Variants in MAF observed in about 807,000 individuals in gnomAD.
MAF encodes the protein MAF bZIP transcription factor.
In MAF, 10 loss-of-function variants were observed where a neutral mutation model predicts 22.0. The ratio of observed to expected loss-of-function variants is 0.45; its 90% CI spans 0.28 to 0.77. The LOEUF (loss-of-function observed/expected upper bound fraction) is 0.77, where lower values mean the gene tolerates loss of function less well. MAF is among the 30% of genes least tolerant of loss of function. The pLI is 0.12. For synonymous variants in MAF, 337 were observed against 255.8 expected (o/e 1.32, Z -3.03); for missense variants, 544 against 548.4 (o/e 0.99, Z 0.08).
the MAF span, among the ~76,000 whole-genome samples, chr16:79,314,054 A>G: frequency 6.6e-6 from 1 of 152,202 alleles, no homozygotes; most frequent in African/African-American, 2.4e-5. Context: ...TTTGATTCCA[A>G]GACATGGACA....
At chr16:79,585,604 A>G (rs1025704969), downstream of MAF, among the ~76,000 whole-genome samples, 2 of 152,226 alleles carry the variant, frequency 1.3e-5, no homozygotes, top group South Asian at 2.1e-4. Context: ...GTAACTTGAC[A>G]TAACACATGG....
At chr16:79,423,204 G>C in the MAF span, among the ~76,000 whole-genome samples, 1 of 152,212 alleles carries the variant, frequency 6.6e-6, no homozygotes, top group Non-Finnish European at 1.5e-5. Context: ...AGAGTTATCA[G>C]TTGTTTATCT....
intron 1 of MAF, chr16:79,596,866 G>A (rs1913558695): frequency 6.7e-6 from 7 of 1,049,346 alleles, no homozygotes; most frequent in Middle Eastern, 4.3e-4. Context: ...AATTTTATTA[G>A]CGTTCTAAAC....
the MAF span, among the ~76,000 whole-genome samples, chr16:79,308,531 G>A: frequency 1.3e-5 from 2 of 152,152 alleles, no homozygotes; most frequent in South Asian, 4.1e-4. Context: ...ATGAGGTGTT[G>A]AAATGCTAGC....
At chr16:79,372,560 C>G in the MAF span, among the ~76,000 whole-genome samples, 1 of 152,194 alleles carries the variant, frequency 6.6e-6, no homozygotes, top group Non-Finnish European at 1.5e-5. Context: ...CTAGGAGAGA[C>G]GCTGTAATGT....
At chr16:79,272,077 G>A in the MAF span, among the ~76,000 whole-genome samples, 2 of 152,178 alleles carry the variant, frequency 1.3e-5, no homozygotes, top group African/African-American at 4.8e-5. Flanking sequence ...ATACTTGGGT[G>A]GGGGGATGTC....
chr16:79,217,317 C>A, the MAF span, among the ~76,000 whole-genome samples: 1 of 152,204 alleles, frequency 6.6e-6, no homozygotes, highest in African/African-American at 2.4e-5. Flanking sequence ...CCACTACACA[C>A]TACTTTTATG....
At chr16:79,512,428 C>T in the MAF span, among the ~76,000 whole-genome samples, 865 of 152,208 alleles carry the variant, frequency 5.7e-3, 6 homozygotes, top group East Asian at 0.017. Flanking sequence ...CCTAGGCCAG[C>T]GGTGCAGTGG....
the MAF span, among the ~76,000 whole-genome samples, chr16:79,411,106 T>A: frequency 0.02 from 2,997 of 152,280 alleles, 90 homozygotes; most frequent in African/African-American, 0.067. Flanking sequence ...AACTCCTCCC[T>A]TGTCCCATTT....
the MAF span, among the ~76,000 whole-genome samples, chr16:79,572,214 G>C: frequency 1.3e-5 from 2 of 152,188 alleles, no homozygotes; most frequent in African/African-American, 2.4e-5. Context: ...CTGTATCGGT[G>C]GAGGGGAGTC....
At chr16:79,420,267 C>T in the MAF span, among the ~76,000 whole-genome samples, 21 of 152,246 alleles carry the variant, frequency 1.4e-4, no homozygotes, top group Admixed American at 3.3e-4. Flanking sequence ...ATGTGTGTCA[C>T]GTTATATGTG....
At chr16:79,380,734 G>A in the MAF span, among the ~76,000 whole-genome samples, 13 of 152,334 alleles carry the variant, frequency 8.5e-5, no homozygotes, top group South Asian at 2.7e-3. Flanking sequence ...TGGGAAGACT[G>A]AGGCCATAGA....
chr16:79,286,883 C>G, the MAF span, among the ~76,000 whole-genome samples: 1 of 152,232 alleles, frequency 6.6e-6, no homozygotes, highest in Admixed American at 6.5e-5. Flanking sequence ...TCCCCGCCTC[C>G]TCCCACACAA....
chr16:79,566,183 A>G, the MAF span, among the ~76,000 whole-genome samples: 2 of 152,196 alleles, frequency 1.3e-5, no homozygotes, highest in African/African-American at 4.8e-5. Flanking sequence ...ACATATCCAT[A>G]TATCTGTAAG....
At chr16:79,249,012 C>A in the MAF span, among the ~76,000 whole-genome samples, 2 of 152,090 alleles carry the variant, frequency 1.3e-5, no homozygotes, top group African/African-American at 4.8e-5. Context: ...TGTGTACCCC[C>A]AAAATTCATA....
chr16:79,301,492 G>C, the MAF span, among the ~76,000 whole-genome samples: 128 of 152,150 alleles, frequency 8.4e-4, no homozygotes, highest in Non-Finnish European at 2.9e-5. Context: ...GACTGTCTTA[G>C]TCCTGACTCT....
At chr16:79,410,048 T>C in the MAF span, among the ~76,000 whole-genome samples, 1 of 152,008 alleles carries the variant, frequency 6.6e-6, no homozygotes, top group Admixed American at 6.6e-5. Context: ...AACTTAGGAG[T>C]ATGCACCTGT....
At chr16:79,380,998 G>T in the MAF span, among the ~76,000 whole-genome samples, 2 of 152,254 alleles carry the variant, frequency 1.3e-5, no homozygotes, top group African/African-American at 2.4e-5. Context: ...CCATACCTGG[G>T]ATTAGAGCTG....
At chr16:79,488,463 C>T in the MAF span, among the ~76,000 whole-genome samples, 1 of 152,120 alleles carries the variant, frequency 6.6e-6, no homozygotes, top group African/African-American at 2.4e-5. Context: ...CCCACATAAT[C>T]ACTCTATGTA....
Sources: gnomAD v4.1 joint callset for allele counts (sites outside exome capture counted in the v4.1 genomes callset) on GRCh38, gnomAD v4.1.1 for gene constraint, MANE v1.5 for transcripts, NCBI Gene and HGNC (gene_info 2026-07-23, HGNC 2026-07-21) for gene names.